The following NRG1 variants were observed in gnomAD, a reference collection of about 807,000 sequenced individuals.
NRG1 encodes neuregulin 1, also known as pro-neuregulin-1, membrane-bound isoform.
NRG1 carries 18 observed loss-of-function variants against 63.8 expected under a neutral mutation model. The ratio of observed to expected loss-of-function variants is 0.28; its 90% CI spans 0.19 to 0.42. The LOEUF (loss-of-function observed/expected upper bound fraction) is 0.42. Ranked by LOEUF, NRG1 falls within the 10% of genes least tolerant of loss-of-function variation. NRG1 has a pLI of 1.00. For synonymous variants in NRG1, 302 were observed against 301.3 expected (o/e 1.00, Z -0.02); for missense variants, 762 against 814.7 (o/e 0.94, Z 0.79).
At chr8:32,053,459 C>T (rs903869420) in intron 1 of NRG1, among the ~76,000 whole-genome samples, 1 of 152,152 alleles carries the variant, frequency 6.6e-6, no homozygotes, top group Non-Finnish European at 1.5e-5. Flanking sequence ...TTCTGCTCAG[C>T]TTTGTGGAAT....
chr8:32,765,814 A>T (rs554606134), exon 12 of NRG1: 2 of 152,286 alleles, frequency 1.3e-5, no homozygotes, highest in South Asian at 2.1e-4. Context: ...CTTTACTGTC[A>T]TAAAGTAGGA....
rs113080678 is a variant in NRG1, at chr8:32,752,076, C to T, written c.692-2296C>T. 1.1e-4 allele frequency among the ~76,000 whole-genome samples: 16 copies of T among 152,164 alleles called. 1 individual carries two copies. In the East Asian group the frequency reaches 1.2e-3, roughly 11 times the overall value. On this transcript the variant is annotated intron_variant, in intron 7 of 11. Coordinates refer to ENST00000356819, the Ensembl canonical transcript of NRG1. ...CTTCAAAGAAGAAAACAATAGAGGA[C>T]GGAAAAGAGGACAATCATACAGGGC...
At chr8:31,686,706 A>G (rs867043466) in intron 1 of NRG1, among the ~76,000 whole-genome samples, 1 of 152,000 alleles carries the variant, frequency 6.6e-6, no homozygotes, top group East Asian at 1.9e-4. Flanking sequence ...TTTTTGCCAA[A>G]TTGGCTACCT....
At chr8:32,448,659 G>A (rs957337086) in intron 1 of NRG1, among the ~76,000 whole-genome samples, 1 of 149,150 alleles carries the variant, frequency 6.7e-6, no homozygotes, top group South Asian at 2.1e-4. Context: ...CACATCCTAC[G>A]TCAATTAGCT....
At chr8:32,216,699 AT>A (rs1845263452) in intron 1 of NRG1, among the ~76,000 whole-genome samples, 1 of 150,324 alleles carries the variant, frequency 6.7e-6, no homozygotes, top group South Asian at 2.1e-4. Flanking sequence ...TATAAATTAT[AT>A]TTTTAGATGT....
intron 1 of NRG1, among the ~76,000 whole-genome samples, chr8:31,697,698 A>C (rs572645364): frequency 6.6e-6 from 1 of 152,264 alleles, no homozygotes; most frequent in Non-Finnish European, 1.5e-5. Flanking sequence ...ATCCCAAGGA[A>C]ATGATACAAC....
intron 1 of NRG1, among the ~76,000 whole-genome samples, chr8:32,411,829 T>C (rs1481237143): frequency 6.6e-6 from 1 of 152,178 alleles, no homozygotes; most frequent in Non-Finnish European, 1.5e-5. Flanking sequence ...TATTCTTTGA[T>C]CTAGCCATCT....
intron 1 of NRG1, among the ~76,000 whole-genome samples, chr8:32,415,259 T>A (rs1480156822): frequency 6.6e-6 from 1 of 151,482 alleles, no homozygotes; most frequent in African/African-American, 2.4e-5. Context: ...AATACAAAAA[T>A]TAGCCAGGTG....
chr8:31,878,795 T>A (rs1394079783), intron 1 of NRG1, among the ~76,000 whole-genome samples: 1 of 152,194 alleles, frequency 6.6e-6, no homozygotes, highest in African/African-American at 2.4e-5. Context: ...GGATAAAGGC[T>A]TCGCTTACTT....
intron 1 of NRG1, among the ~76,000 whole-genome samples, chr8:32,383,996 A>T (rs1434705073): frequency 6.6e-6 from 1 of 152,226 alleles, no homozygotes; most frequent in Non-Finnish European, 1.5e-5. Flanking sequence ...GCATTTTGGG[A>T]GGCCAAGGAG....
At chr8:32,189,162 A>G (rs1437292516) in intron 1 of NRG1, among the ~76,000 whole-genome samples, 1 of 152,100 alleles carries the variant, frequency 6.6e-6, no homozygotes, top group South Asian at 2.1e-4. Context: ...TTACATGTAC[A>G]GGTTTGTTAC....
At chr8:32,486,014 G>A (rs1027678393) in intron 1 of NRG1, among the ~76,000 whole-genome samples, 3 of 151,754 alleles carry the variant, frequency 2.0e-5, no homozygotes, top group Non-Finnish European at 4.4e-5. Context: ...TGCAACCTCC[G>A]CCTCCTGGGT....
intron 1 of NRG1, among the ~76,000 whole-genome samples, chr8:31,924,043 T>G (rs753399741): frequency 6.6e-6 from 1 of 152,166 alleles, no homozygotes; most frequent in East Asian, 1.9e-4. Context: ...TTGTTGCAAG[T>G]TGGTGTTTTT....
intron 1 of NRG1, among the ~76,000 whole-genome samples, chr8:31,840,837 A>C (rs1358771046): frequency 6.6e-6 from 1 of 152,188 alleles, no homozygotes; most frequent in African/African-American, 2.4e-5. Flanking sequence ...GAGAGAAGGG[A>C]GAGAACACTG....
intron 7 of NRG1, among the ~76,000 whole-genome samples, chr8:32,746,545 A>G (rs562323086): frequency 1.6e-4 from 25 of 152,292 alleles, no homozygotes; most frequent in Non-Finnish European, 3.2e-4. Context: ...CAGGTTAATC[A>G]GTTTTCCTCA....
intron 1 of NRG1, among the ~76,000 whole-genome samples, chr8:32,550,965 A>G (rs1421307826): frequency 6.6e-6 from 1 of 152,238 alleles, no homozygotes; most frequent in Non-Finnish European, 1.5e-5. Flanking sequence ...TTTTTAAACC[A>G]GATAAGAATA....
At chr8:32,579,378 C>A (rs1212256644) in intron 1 of NRG1, among the ~76,000 whole-genome samples, 1 of 152,070 alleles carries the variant, frequency 6.6e-6, no homozygotes, top group Non-Finnish European at 1.5e-5. Flanking sequence ...GGGAGGTGAT[C>A]TGACTTTTCA....
At chr8:32,035,636 A>T (rs1468153212) in intron 1 of NRG1, among the ~76,000 whole-genome samples, 1 of 152,142 alleles carries the variant, frequency 6.6e-6, no homozygotes, top group Non-Finnish European at 1.5e-5. Context: ...TTGGGTGCAT[A>T]AATATTTAGG....
At chr8:32,753,571 G>T (rs557272118) in intron 7 of NRG1, among the ~76,000 whole-genome samples, 6 of 152,134 alleles carry the variant, frequency 3.9e-5, no homozygotes, top group East Asian at 1.9e-4. Context: ...AATAAAACTT[G>T]TTCCTAAGTA....
Sources: gnomAD v4.1 joint callset for allele counts (sites outside exome capture counted in the v4.1 genomes callset) on GRCh38, gnomAD v4.1.1 for gene constraint, MANE v1.5 for transcripts, NCBI Gene and HGNC (gene_info 2026-07-23, HGNC 2026-07-21) for gene names.